SLC24A4: variants seen among roughly 807,000 people sequenced by gnomAD.
SLC24A4 encodes the protein solute carrier family 24 member 4, also known as sodium/potassium/calcium exchanger 4.
Under a neutral mutation model 79.0 loss-of-function variants are expected in SLC24A4, and 53 were observed. That is an observed-to-expected ratio of 0.67 (90% CI 0.54 to 0.84). The LOEUF is 0.84. SLC24A4 is among the 40% of genes least tolerant of loss of function. The pLI, the probability that SLC24A4 is intolerant of heterozygous loss-of-function variation, is 0.00. For synonymous variants in SLC24A4, 323 were observed against 323.8 expected, an observed-to-expected ratio of 1.00 and a Z score of 0.03; for missense variants, 731 against 822.0, an observed-to-expected ratio of 0.89 and a Z score of 1.35.
At chr14:92,469,846 C>A (rs115946527) in intron 12 of SLC24A4, among the ~76,000 whole-genome samples, 1 of 152,104 alleles carries the variant, frequency 6.6e-6, no homozygotes, top group Non-Finnish European at 1.5e-5. Context: ...TTATATGGAA[C>A]GCCCAGAATA....
intron 2 of SLC24A4, among the ~76,000 whole-genome samples, chr14:92,430,716 C>A (rs767443535): frequency 2.0e-5 from 3 of 152,228 alleles, no homozygotes; most frequent in Non-Finnish European, 4.4e-5. Flanking sequence ...TCCCTCCTTT[C>A]CCTTCACTCC....
chr14:92,324,037 G>A, intron 1 of SLC24A4, 77 bp downstream of exon 1: 1 of 1,536,448 alleles, frequency 6.5e-7, no homozygotes, highest in Non-Finnish European at 8.8e-7. Context: ...GCTGCGAGAT[G>A]TTTTCCCCTC....
At chr14:92,358,775 C>G (rs548867666) in intron 2 of SLC24A4, among the ~76,000 whole-genome samples, 1 of 151,020 alleles carries the variant, frequency 6.6e-6, no homozygotes, top group South Asian at 2.1e-4. Context: ...ACGTCTGCCT[C>G]CCAGGTTCAA....
intron 2 of SLC24A4, among the ~76,000 whole-genome samples, chr14:92,378,646 C>G (rs1490845724): frequency 6.6e-6 from 1 of 152,176 alleles, no homozygotes; most frequent in African/African-American, 2.4e-5. Context: ...TCTCCTTATC[C>G]ACTGTGCATT....
At chr14:92,468,431 G>T (rs1403506199) in intron 12 of SLC24A4, among the ~76,000 whole-genome samples, 5 of 152,188 alleles carry the variant, frequency 3.3e-5, no homozygotes, top group Admixed American at 6.5e-5. Context: ...ATATGGAAAT[G>T]CAGGGGACCC....
chr14:92,370,603 G>T (rs1888097593), intron 2 of SLC24A4, among the ~76,000 whole-genome samples: 1 of 152,158 alleles, frequency 6.6e-6, no homozygotes, highest in Admixed American at 6.5e-5. Flanking sequence ...GAAAGGATGA[G>T]AAAATTCGAG....
intron 2 of SLC24A4, among the ~76,000 whole-genome samples, chr14:92,351,984 GA>G (rs2141646164): frequency 6.6e-6 from 1 of 152,246 alleles, no homozygotes; most frequent in South Asian, 2.1e-4. Flanking sequence ...AAAGGTAGGT[GA>G]AGGCTTAGTT....
intron 2 of SLC24A4, among the ~76,000 whole-genome samples, chr14:92,337,224 A>G (rs1885864344): frequency 1.3e-5 from 2 of 152,158 alleles, no homozygotes; most frequent in African/African-American, 2.4e-5. Context: ...CCCAATTAGC[A>G]GGCTGTGCTT....
chr14:92,405,117 C>T (rs1488785547), intron 2 of SLC24A4, among the ~76,000 whole-genome samples: 3 of 152,054 alleles, frequency 2.0e-5, no homozygotes, highest in Non-Finnish European at 2.9e-5. Context: ...TTGCTACTTG[C>T]TGTGCAACTT....
chr14:92,460,227 T>A (rs1031488520), intron 12 of SLC24A4, among the ~76,000 whole-genome samples: 2 of 152,078 alleles, frequency 1.3e-5, no homozygotes, highest in African/African-American at 4.8e-5. Flanking sequence ...ACCAGCAGGG[T>A]GAGTCTGGGC....
At chr14:92,416,996 A>G (rs150853843) in intron 2 of SLC24A4, among the ~76,000 whole-genome samples, 1 of 152,364 alleles carries the variant, frequency 6.6e-6, no homozygotes, top group East Asian at 1.9e-4. Context: ...GTCATTCTAC[A>G]CATATTAAGC....
chr14:92,358,359 G>C (rs945035037), intron 2 of SLC24A4, among the ~76,000 whole-genome samples: 1 of 152,066 alleles, frequency 6.6e-6, no homozygotes, highest in African/African-American at 2.4e-5. Flanking sequence ...GTGTAGGTTT[G>C]GCTGTTAGAG....
chr14:92,434,174 G>A (rs1892040551), intron 3 of SLC24A4, among the ~76,000 whole-genome samples, 186 bp downstream of exon 3: 1 of 152,180 alleles, frequency 6.6e-6, no homozygotes, highest in Admixed American at 6.5e-5. Context: ...CTTACCCAGT[G>A]TCACACAGCT....
intron 2 of SLC24A4, among the ~76,000 whole-genome samples, chr14:92,329,166 G>A (rs948188559): frequency 6.6e-6 from 1 of 152,332 alleles, no homozygotes; most frequent in East Asian, 1.9e-4. Context: ...TGCTGGATGA[G>A]GCCTTTCAGG....
chr14:92,469,854 A>G (rs901753387), intron 12 of SLC24A4, among the ~76,000 whole-genome samples: 3 of 152,182 alleles, frequency 2.0e-5, no homozygotes, highest in Admixed American at 1.3e-4. Context: ...AACGCCCAGA[A>G]TAGTCAAATC....
At chr14:92,407,432 A>G (rs1384390851) in intron 2 of SLC24A4, among the ~76,000 whole-genome samples, 1 of 151,964 alleles carries the variant, frequency 6.6e-6, no homozygotes, top group Non-Finnish European at 1.5e-5. Context: ...GCAGTACCCC[A>G]CTCTTGATGC....
chr14:92,365,966 A>G (rs147573954), intron 2 of SLC24A4, among the ~76,000 whole-genome samples: 340 of 152,312 alleles, frequency 2.2e-3, no homozygotes, highest in Middle Eastern at 6.8e-3. Context: ...GATGAGAGCA[A>G]TATCTTAGAG....
intron 3 of SLC24A4, among the ~76,000 whole-genome samples, chr14:92,437,348 A>G (rs1299595755): frequency 6.6e-6 from 1 of 152,220 alleles, no homozygotes; most frequent in Non-Finnish European, 1.5e-5. Context: ...AAGGTAAGTT[A>G]TAGGCGAGGG....
intron 2 of SLC24A4, among the ~76,000 whole-genome samples, chr14:92,400,397 C>T (rs889331364): frequency 2.0e-4 from 30 of 147,956 alleles, no homozygotes; most frequent in African/African-American, 7.5e-4. Flanking sequence ...CGAGATCGTG[C>T]CACTGCACTC....
Sources: allele counts gnomAD v4.1 joint callset (sites outside exome capture counted in the v4.1 genomes callset), GRCh38; gene constraint gnomAD v4.1.1; transcripts MANE v1.5; gene names NCBI Gene and HGNC (gene_info 2026-07-23, HGNC 2026-07-21).